The following SEMA3C variants were observed in gnomAD, a reference collection of about 807,000 sequenced individuals.
The protein encoded by SEMA3C is semaphorin-3C.
A neutral mutation model predicts 89.4 loss-of-function variants in SEMA3C; 47 were observed. The ratio of observed to expected loss-of-function variants is 0.53; its 90% CI spans 0.42 to 0.67. SEMA3C has a LOEUF of 0.67. Among genes scored for constraint, SEMA3C ranks in the 30% least tolerant of loss-of-function variants. The probability of loss-of-function intolerance (pLI) is 0.00; values close to 1 mark genes in which losing one functional copy is unlikely to be tolerated. For missense variants in SEMA3C, 839 were observed against 929.1 expected, an observed-to-expected ratio of 0.90 and a Z score of 1.26; for synonymous variants, 310 against 320.2, an observed-to-expected ratio of 0.97 and a Z score of 0.34.
chr7:80,878,191 C>T (rs1791245443), intron 2 of SEMA3C, among the ~76,000 whole-genome samples: 4 of 152,096 alleles, frequency 2.6e-5, no homozygotes, highest in Admixed American at 2.6e-4. Flanking sequence ...CAGCCTGACC[C>T]ACTCGGAGAA....
chr7:80,796,946 G>A (rs1321928885), intron 11 of SEMA3C, among the ~76,000 whole-genome samples: 1 of 151,536 alleles, frequency 6.6e-6, no homozygotes, highest in African/African-American at 2.4e-5. Context: ...GAAAATAAAG[G>A]AGCAAACAAT....
intron 2 of SEMA3C, among the ~76,000 whole-genome samples, chr7:80,874,134 A>G (rs756320020): frequency 1.3e-5 from 2 of 152,256 alleles, no homozygotes; most frequent in Middle Eastern, 3.4e-3. Context: ...GGAGCTTTTC[A>G]CAGTAAGTTA....
chr7:80,786,699 T>C (rs779588425), intron 12 of SEMA3C, among the ~76,000 whole-genome samples: 5 of 152,240 alleles, frequency 3.3e-5, no homozygotes, highest in Admixed American at 6.5e-5. Context: ...GTCACATTTA[T>C]GAATTCATAT....
intron 2 of SEMA3C, among the ~76,000 whole-genome samples, chr7:80,913,974 C>G (rs1792212919): frequency 6.6e-6 from 1 of 152,048 alleles, no homozygotes; most frequent in Non-Finnish European, 1.5e-5. Context: ...AAGTTCCACC[C>G]AGAGAGAGAC....
chr7:80,814,893 T>C (rs888453443), intron 5 of SEMA3C, among the ~76,000 whole-genome samples: 1 of 152,208 alleles, frequency 6.6e-6, no homozygotes, highest in Non-Finnish European at 1.5e-5. Flanking sequence ...TGGTCTTCTA[T>C]GTCAACTCTC....
At chr7:80,773,795 G>C (rs888167118) in intron 12 of SEMA3C, among the ~76,000 whole-genome samples, 1 of 152,198 alleles carries the variant, frequency 6.6e-6, no homozygotes, top group South Asian at 2.1e-4. Flanking sequence ...AACACTCTGT[G>C]AGTCTCTGGT....
chr7:80,869,752 T>C (rs752454369), intron 2 of SEMA3C, among the ~76,000 whole-genome samples: 2 of 152,164 alleles, frequency 1.3e-5, no homozygotes, highest in African/African-American at 2.4e-5. Flanking sequence ...AGCATTTTTC[T>C]AGTTTCTGGG....
chr7:80,789,209 G>GT, intron 12 of SEMA3C, 97 bp downstream of exon 12: 2 of 955,410 alleles, frequency 2.1e-6, no homozygotes, highest in Non-Finnish European at 3.2e-6. Flanking sequence ...AATTATTGGA[G>GT]TTTTTCTAGT....
At chr7:80,872,921 G>A (rs1343296286) in intron 2 of SEMA3C, among the ~76,000 whole-genome samples, 16 of 132,224 alleles carry the variant, frequency 1.2e-4, no homozygotes, top group African/African-American at 4.5e-4. Flanking sequence ...GAGAATGAGA[G>A]TGAAAAAAAA....
chr7:80,849,378 A>C (rs1339891688), intron 2 of SEMA3C, among the ~76,000 whole-genome samples: 1 of 151,234 alleles, frequency 6.6e-6, no homozygotes, highest in Non-Finnish European at 1.5e-5. Flanking sequence ...CATTGCTGAC[A>C]AAATACTTTT....
intron 2 of SEMA3C, among the ~76,000 whole-genome samples, chr7:80,898,437 G>A (rs1404614348): frequency 6.6e-6 from 1 of 152,060 alleles, no homozygotes; most frequent in Admixed American, 6.6e-5. Context: ...TATTGAAGAT[G>A]AGTAACACTG....
chr7:80,794,697 G>T (rs922174804), intron 11 of SEMA3C, among the ~76,000 whole-genome samples: 3 of 152,154 alleles, frequency 2.0e-5, no homozygotes, highest in Non-Finnish European at 4.4e-5. Flanking sequence ...GCTTTAACAG[G>T]ATATACAACT....
intron 12 of SEMA3C, among the ~76,000 whole-genome samples, chr7:80,768,721 G>C (rs1434005714): frequency 6.6e-6 from 1 of 152,072 alleles, no homozygotes; most frequent in Non-Finnish European, 1.5e-5. Context: ...GAAACTTCTA[G>C]GGAAATACAA....
intron 14 of SEMA3C, among the ~76,000 whole-genome samples, chr7:80,760,419 G>T (rs1463448907): frequency 2.0e-5 from 3 of 152,148 alleles, no homozygotes; most frequent in Non-Finnish European, 4.4e-5. Context: ...CCTGACTTGA[G>T]ATCCACTCCC....
chr7:80,847,298 C>T (rs1790412129), intron 2 of SEMA3C: 1 of 152,196 alleles, frequency 6.6e-6, no homozygotes, highest in South Asian at 2.1e-4. Context: ...ATAGATCACT[C>T]TCGAATGCTC....
intron 2 of SEMA3C, among the ~76,000 whole-genome samples, chr7:80,890,400 G>A (rs1411891569): frequency 1.3e-5 from 2 of 152,042 alleles, no homozygotes; most frequent in Admixed American, 6.6e-5. Flanking sequence ...AGTTAAAAGT[G>A]TATAAAGAAA....
intron 12 of SEMA3C, among the ~76,000 whole-genome samples, chr7:80,768,511 CT>C (rs1325056227): frequency 7.6e-6 from 1 of 131,782 alleles, no homozygotes; most frequent in Non-Finnish European, 1.6e-5. Context: ...GAGACTCCGT[CT>C]AAAAAAAAAA....
intron 2 of SEMA3C, among the ~76,000 whole-genome samples, chr7:80,850,263 T>C (rs1261973271): frequency 6.6e-6 from 1 of 152,204 alleles, no homozygotes; most frequent in African/African-American, 2.4e-5. Flanking sequence ...AATTTGAATG[T>C]ATATATACCA....
Position 80,772,114 on chromosome 7 carries a change from A to G in SEMA3C, c.1355-6871T>C, listed in dbSNP as rs80176403. On this transcript the variant is annotated intron_variant, in intron 12 of 17. Transcript: ENST00000265361. ...GAACTGCAAAATATTTGCTTGGCAAATGAATGCTTAATAGAGATGAGGGAG... is the reference window on the plus strand; with the variant it reads ...GAACTGCAAAATATTTGCTTGGCAAGTGAATGCTTAATAGAGATGAGGGAG... Among the ~76,000 whole-genome samples, 1,205 of 152,306 alleles carry G rather than the reference A, an allele frequency of 7.9e-3. 13 individuals are homozygous for G. The highest frequency in any genetic ancestry group is 0.028 in the African/African-American group (1,152 of 41,568).
Sources: allele counts gnomAD v4.1 joint callset (sites outside exome capture counted in the v4.1 genomes callset), GRCh38; gene constraint gnomAD v4.1.1; transcripts MANE v1.5; gene names NCBI Gene and HGNC (gene_info 2026-07-23, HGNC 2026-07-21).